UVRAG: variants seen among roughly 807,000 people sequenced by gnomAD.
The protein encoded by UVRAG is UV radiation resistance associated, also known as UV radiation resistance-associated gene protein.
In UVRAG, 19 loss-of-function variants were observed where a neutral mutation model predicts 78.0. The observed-to-expected ratio is 0.24, with a 90% confidence interval of 0.17 to 0.36. The LOEUF (loss-of-function observed/expected upper bound fraction) is 0.36, where lower values mean the gene tolerates loss of function less well. Ranked by LOEUF, UVRAG falls within the 10% of genes least tolerant of loss-of-function variation. The pLI, the probability that UVRAG is intolerant of heterozygous loss-of-function variation, is 1.00. For missense variants in UVRAG, 740 were observed against 853.8 expected, an observed-to-expected ratio of 0.87 and a Z score of 1.66; for synonymous variants, 323 against 324.6, an observed-to-expected ratio of 1.00 and a Z score of 0.05.
intron 8 of UVRAG, among the ~76,000 whole-genome samples, chr11:75,987,116 A>T (rs1949515084): frequency 6.6e-6 from 1 of 152,158 alleles, no homozygotes. Flanking sequence ...CCTGTTACGT[A>T]CACCTGGAAG....
At chr11:75,958,748 A>G (rs1184587126) in intron 6 of UVRAG, among the ~76,000 whole-genome samples, 1 of 152,166 alleles carries the variant, frequency 6.6e-6, no homozygotes, top group Non-Finnish European at 1.5e-5. Flanking sequence ...TTTTCCATTG[A>G]TTTTGCCCAG....
intron 6 of UVRAG, among the ~76,000 whole-genome samples, chr11:75,923,908 G>A (rs190996912): frequency 1.0e-3 from 153 of 152,248 alleles, no homozygotes; most frequent in African/African-American, 3.5e-3. Flanking sequence ...TAGAAATGTT[G>A]TTACATTATG....
intron 12 of UVRAG, among the ~76,000 whole-genome samples, chr11:76,048,278 C>T (rs1328195662): frequency 6.6e-6 from 1 of 152,180 alleles, no homozygotes; most frequent in African/African-American, 2.4e-5. Context: ...ATCTGACTGA[C>T]CCAGGGGGAC....
chr11:76,045,294 T>C (rs1300191125), intron 12 of UVRAG, among the ~76,000 whole-genome samples: 5 of 152,236 alleles, frequency 3.3e-5, no homozygotes, highest in African/African-American at 1.2e-4. Flanking sequence ...CATCTCCATA[T>C]GAAATTTCCA....
At chr11:76,070,469 C>T (rs971796295) in intron 13 of UVRAG, among the ~76,000 whole-genome samples, 3 of 151,950 alleles carry the variant, frequency 2.0e-5, no homozygotes, top group Non-Finnish European at 2.9e-5. Flanking sequence ...ATCACACACA[C>T]CCATGAATAT....
At chr11:76,087,955 G>C (rs985191051) in intron 13 of UVRAG, among the ~76,000 whole-genome samples, 1 of 152,170 alleles carries the variant, frequency 6.6e-6, no homozygotes, top group Non-Finnish European at 1.5e-5. Flanking sequence ...GCTCACTGCA[G>C]CCTAGACCTC....
chr11:76,139,490 G>A (rs940477580), intron 14 of UVRAG, among the ~76,000 whole-genome samples: 1 of 152,186 alleles, frequency 6.6e-6, no homozygotes, highest in African/African-American at 2.4e-5. Context: ...GTAGTTTCAA[G>A]TTCTGCCTCT....
chr11:76,072,398 T>C (rs1951329714), intron 13 of UVRAG, among the ~76,000 whole-genome samples: 1 of 152,154 alleles, frequency 6.6e-6, no homozygotes, highest in Non-Finnish European at 1.5e-5. Context: ...TGTGGGAATG[T>C]AGAATGGTTT....
intron 7 of UVRAG, among the ~76,000 whole-genome samples, chr11:75,966,703 G>GTGGA (rs1949031129): frequency 6.6e-6 from 1 of 152,156 alleles, no homozygotes; most frequent in Non-Finnish European, 1.5e-5. Flanking sequence ...ATGTAATTTG[G>GTGGA]TGGAATCTCT....
intron 12 of UVRAG, among the ~76,000 whole-genome samples, chr11:76,049,188 T>C (rs895298790): frequency 1.3e-5 from 2 of 152,164 alleles, no homozygotes; most frequent in Non-Finnish European, 2.9e-5. Context: ...CTGCCCCACA[T>C]CCACCCACTC....
intron 8 of UVRAG, among the ~76,000 whole-genome samples, chr11:76,003,286 T>G (rs917443976): frequency 7.9e-6 from 1 of 126,454 alleles, no homozygotes; most frequent in African/African-American, 3.4e-5. Flanking sequence ...TTTTTTTTTT[T>G]TTGGAGACAG....
intron 8 of UVRAG, among the ~76,000 whole-genome samples, chr11:75,999,939 G>A (rs964118217): frequency 5.9e-5 from 9 of 152,006 alleles, no homozygotes; most frequent in Non-Finnish European, 8.8e-5. Flanking sequence ...CAAGCATTTC[G>A]GATAAGGTAT....
At chr11:75,987,030 C>T (rs886900926) in intron 8 of UVRAG, among the ~76,000 whole-genome samples, 6 of 152,248 alleles carry the variant, frequency 3.9e-5, no homozygotes, top group African/African-American at 7.2e-5. Flanking sequence ...GGGTTGTTTC[C>T]GCTTTCTGTC....
intron 3 of UVRAG, among the ~76,000 whole-genome samples, chr11:75,872,867 T>A (rs1212195867): frequency 6.6e-6 from 1 of 152,224 alleles, no homozygotes; most frequent in African/African-American, 2.4e-5. Flanking sequence ...TAAGTAAGAA[T>A]ATATAGTCAA....
chr11:76,055,970 A>G (rs1178779771), intron 12 of UVRAG, among the ~76,000 whole-genome samples: 1 of 152,174 alleles, frequency 6.6e-6, no homozygotes, highest in Non-Finnish European at 1.5e-5. Flanking sequence ...CGGCCTCCCA[A>G]AGTGCTGGGA....
At chr11:75,870,121 A>G (rs1057175918) in intron 3 of UVRAG, among the ~76,000 whole-genome samples, 2 of 152,206 alleles carry the variant, frequency 1.3e-5, no homozygotes, top group East Asian at 1.9e-4. Flanking sequence ...ATAGTAGGCT[A>G]TAAAATCTTT....
intron 13 of UVRAG, among the ~76,000 whole-genome samples, chr11:76,095,890 A>AAG (rs1554990425): frequency 4.6e-5 from 7 of 151,346 alleles, no homozygotes; most frequent in Non-Finnish European, 7.4e-5. Context: ...AAAAAAAAAA[A>AAG]AAGCCCTTAG....
intron 1 of UVRAG, among the ~76,000 whole-genome samples, chr11:75,820,505 C>T (rs574041950): frequency 1.3e-5 from 2 of 152,108 alleles, no homozygotes; most frequent in Admixed American, 6.5e-5. Flanking sequence ...CAGGCATGCA[C>T]CACTGTTCCT....
chr11:76,107,301 A>G (rs1299300212), intron 13 of UVRAG, among the ~76,000 whole-genome samples: 2 of 152,198 alleles, frequency 1.3e-5, no homozygotes, highest in Non-Finnish European at 2.9e-5. Flanking sequence ...AGAACTTGGC[A>G]GACTTGGATT....
Sources: allele counts gnomAD v4.1 joint callset (sites outside exome capture counted in the v4.1 genomes callset), GRCh38; gene constraint gnomAD v4.1.1; transcripts MANE v1.5; gene names NCBI Gene and HGNC (gene_info 2026-07-23, HGNC 2026-07-21).